Variants in POLD3 observed in about 807,000 individuals in gnomAD.
POLD3 encodes the protein DNA polymerase delta subunit 3.
In POLD3, 19 loss-of-function variants were observed where a neutral mutation model predicts 58.2. The observed-to-expected ratio is 0.33, with a 90% CI of 0.23 to 0.48. The LOEUF (loss-of-function observed/expected upper bound fraction) is 0.48. Ranked by LOEUF, POLD3 falls within the 20% of genes least tolerant of loss-of-function variation. POLD3 has a pLI of 0.99. For synonymous variants in POLD3, 172 were observed against 193.5 expected, an observed-to-expected ratio of 0.89 and a Z score of 0.92; for missense variants, 504 against 545.5, an observed-to-expected ratio of 0.92 and a Z score of 0.76.
At chr11:74,612,051 T>C (rs34612999) in intron 4 of POLD3, among the ~76,000 whole-genome samples, 1 of 152,212 alleles carries the variant, frequency 6.6e-6, no homozygotes, top group Admixed American at 6.5e-5. Context: ...ACCTGTACTG[T>C]TGTACTTTGT....
At chr11:74,614,894 A>T (rs1304034312) in intron 5 of POLD3, among the ~76,000 whole-genome samples, 1 of 152,064 alleles carries the variant, frequency 6.6e-6, no homozygotes, top group Non-Finnish European at 1.5e-5. Flanking sequence ...AAAAATGACA[A>T]ATTGGGTTTT....
downstream of POLD3, among the ~76,000 whole-genome samples, chr11:74,647,057 A>G (rs1316371093): frequency 2.0e-5 from 3 of 152,214 alleles, no homozygotes; most frequent in Admixed American, 6.5e-5. Context: ...AGATCCTTGC[A>G]TGTGCAGTTG....
intron 3 of POLD3, among the ~76,000 whole-genome samples, chr11:74,608,689 C>T (rs904747824): frequency 2.0e-5 from 3 of 152,188 alleles, no homozygotes; most frequent in African/African-American, 7.2e-5. Context: ...CCACACGGAC[C>T]TGTCTGGTCT....
At chr11:74,601,021 A>G (rs752164948) in intron 2 of POLD3, among the ~76,000 whole-genome samples, 5 of 152,138 alleles carry the variant, frequency 3.3e-5, no homozygotes, top group Admixed American at 1.3e-4. Context: ...ACCCAGCCAC[A>G]AGAATTGTTT....
At chr11:74,606,688 G>A (rs746766029) in intron 3 of POLD3, among the ~76,000 whole-genome samples, 2 of 152,118 alleles carry the variant, frequency 1.3e-5, no homozygotes, top group African/African-American at 2.4e-5. Context: ...TTCATGGTTG[G>A]TCTTCAAAGT....
intron 9 of POLD3, 25 bp downstream of exon 9, chr11:74,629,348 T>C: frequency 2.2e-6 from 3 of 1,335,236 alleles, no homozygotes; most frequent in Non-Finnish European, 3.2e-6. Flanking sequence ...TCATTTTGGG[T>C]TAGGGGGATC....
chr11:74,605,611 C>T (rs771543792), intron 3 of POLD3, among the ~76,000 whole-genome samples: 4 of 152,168 alleles, frequency 2.6e-5, no homozygotes, highest in Admixed American at 6.5e-5. Context: ...AAGGTTCTTT[C>T]GGGCATAAAA....
rs1314256447 is a variant in POLD3, at chr11:74,661,583, G to T, written c.370-7194G>T. On this transcript the variant is annotated intron_variant, in intron 4 of 4. Transcript: ENST00000524752. ...GCTGAGCCGCCTGGAGCTGGAGTGGGGTGACACAAACACCCCTGTGGCCAC... is the reference window on the plus strand; with the variant it reads ...GCTGAGCCGCCTGGAGCTGGAGTGGTGTGACACAAACACCCCTGTGGCCAC... Among the ~76,000 whole-genome samples the T allele has an allele frequency of 3.9e-5, 6 of 152,184 alleles. No homozygotes were observed. The East Asian group carries it at 1.2e-3, about 29-fold the overall frequency.
chr11:74,646,194 A>G (rs1420081683), downstream of POLD3, among the ~76,000 whole-genome samples: 1 of 152,096 alleles, frequency 6.6e-6, no homozygotes, highest in Non-Finnish European at 1.5e-5. Context: ...GCTGGTCTCA[A>G]ACTCCTGACC....
At chr11:74,617,035 G>C (rs183493346) in intron 5 of POLD3, among the ~76,000 whole-genome samples, 201 of 152,238 alleles carry the variant, frequency 1.3e-3, no homozygotes, top group African/African-American at 4.6e-3. Context: ...AGATAAATAA[G>C]ACTTCAAGGA....
intron 7 of POLD3, among the ~76,000 whole-genome samples, chr11:74,623,289 G>A (rs372446487): frequency 6.6e-6 from 1 of 152,104 alleles, no homozygotes; most frequent in Non-Finnish European, 1.5e-5. Flanking sequence ...CAAAAAATTA[G>A]CTGGGCCTGT....
intron 4 of POLD3, 34 bp downstream of exon 4, chr11:74,611,572 CT>C: frequency 7.9e-7 from 1 of 1,263,510 alleles, no homozygotes; most frequent in Non-Finnish European, 1.1e-6. Context: ...AGTTTTTCCT[CT>C]TATGGCATCA....
chr11:74,657,160 T>C (rs4944929), intron 4 of POLD3, among the ~76,000 whole-genome samples: 124,078 of 151,662 alleles, frequency 0.82, 50,939 homozygotes, highest in Middle Eastern at 0.94. Flanking sequence ...TTTCAGTCTT[T>C]GTGCGTCTTT....
chr11:74,625,381 A>G, intron 7 of POLD3, 27 bp from the exon 8 acceptor site: 1 of 1,562,124 alleles, frequency 6.4e-7, no homozygotes, highest in Non-Finnish European at 8.7e-7. Context: ...ATGGGGTCAT[A>G]TGTCGTCTGC....
chr11:74,618,468 TC>T, intron 5 of POLD3, 68 bp from the exon 6 acceptor site: 1 of 1,157,506 alleles, frequency 8.6e-7, no homozygotes, highest in Non-Finnish European at 1.2e-6. Context: ...GTTTTTTTTT[TC>T]TTTTTTTGTT....
intron 3 of POLD3, among the ~76,000 whole-genome samples, chr11:74,609,312 A>G (rs1380006095): frequency 2.9e-5 from 4 of 137,726 alleles, no homozygotes; most frequent in Non-Finnish European, 6.1e-5. Flanking sequence ...GGTAACTGTT[A>G]CATTGAGTTT....
At position 74,620,094 on chromosome 11, in the gene POLD3, G is replaced by C. The variant is rs1301097075; in HGVS notation, c.733+5G>C. On this transcript the variant is annotated splice_donor_5th_base_variant and intron_variant, in intron 7 of 11. Transcript: ENST00000263681. ...TTTTTGGAAAAGCTGCTATGAGTAAGCATGTTCTTACCTCACTTTGACTAA... is the reference window on the plus strand; with the variant it reads ...TTTTTGGAAAAGCTGCTATGAGTAACCATGTTCTTACCTCACTTTGACTAA... 6.3e-7 allele frequency: 1 copy of C among 1,596,974 alleles called. No individual in the cohort carries two copies. Among genetic ancestry groups the C allele is most frequent in the Admixed American group, 1.7e-5 (1 of 60,018 alleles).
chr11:74,615,229 A>G (rs1277559129), intron 5 of POLD3, among the ~76,000 whole-genome samples: 2 of 152,238 alleles, frequency 1.3e-5, no homozygotes, highest in Non-Finnish European at 2.9e-5. Context: ...ATGGACTATT[A>G]TATGTTAAGC....
chr11:74,610,090 T>G (rs1033970234), intron 3 of POLD3, among the ~76,000 whole-genome samples: 2 of 152,252 alleles, frequency 1.3e-5, no homozygotes, highest in Admixed American at 6.5e-5. Flanking sequence ...TCACTCTGCT[T>G]CTTGTTCCCA....
Sources: gnomAD v4.1 joint callset for allele counts (sites outside exome capture counted in the v4.1 genomes callset) on GRCh38, gnomAD v4.1.1 for gene constraint, MANE v1.5 for transcripts, NCBI Gene and HGNC (gene_info 2026-07-23, HGNC 2026-07-21) for gene names.